ANXA8: variants seen among roughly 807,000 people sequenced by gnomAD.
The protein encoded by ANXA8 is annexin A8.
A neutral mutation model predicts 26.8 loss-of-function variants in ANXA8; 9 were observed. That is an observed-to-expected ratio of 0.34 (90% CI 0.20 to 0.59). The LOEUF (loss-of-function observed/expected upper bound fraction) is 0.59. Ranked by LOEUF, ANXA8 falls within the 20% of genes least tolerant of loss-of-function variation. ANXA8 has a pLI of 0.84. For missense variants in ANXA8, 83 were observed against 238.5 expected (o/e 0.35, Z 4.29); for synonymous variants, 39 against 94.8 (o/e 0.41, Z 3.42).
chr10:47,918,387 A>G, the ANXA8 span, among the ~76,000 whole-genome samples: 49 of 13,278 alleles, frequency 3.7e-3, 2 homozygotes, highest in African/African-American at 0.027. Flanking sequence ...GAGAGAGAGA[A>G]AGAAAGAAAG....
the ANXA8 span, among the ~76,000 whole-genome samples, chr10:47,627,003 ATAAGGTTC>A: frequency 6.7e-6 from 1 of 149,506 alleles, no homozygotes; most frequent in African/African-American, 2.6e-5. Context: ...TAACAGAAAC[ATAAGGTTC>A]TAAGGTTCTT....
the ANXA8 span, among the ~76,000 whole-genome samples, chr10:47,505,471 T>G: frequency 7.2e-6 from 1 of 138,410 alleles, no homozygotes; most frequent in Non-Finnish European, 1.6e-5. Context: ...TCTGAATAAG[T>G]GGAAAGTTAA....
chr10:47,905,732 C>T, the ANXA8 span, among the ~76,000 whole-genome samples: 1 of 143,952 alleles, frequency 6.9e-6, no homozygotes, highest in Non-Finnish European at 1.5e-5. Context: ...TAGGATAGAA[C>T]CCAGGCTGCC....
the ANXA8 span, among the ~76,000 whole-genome samples, chr10:47,558,124 C>T: frequency 1.3e-5 from 2 of 151,910 alleles, no homozygotes; most frequent in South Asian, 2.1e-4. Context: ...TACCAGTTAA[C>T]ATAAAATAAC....
At chr10:47,575,197 T>TAA in the ANXA8 span, among the ~76,000 whole-genome samples, 1 of 11,268 alleles carries the variant, frequency 8.9e-5, no homozygotes, top group Non-Finnish European at 1.8e-4. Flanking sequence ...AGAGTGAAAC[T>TAA]CAAAAAAAAA....
chr10:47,553,935 A>G, the ANXA8 span, among the ~76,000 whole-genome samples: 2 of 148,926 alleles, frequency 1.3e-5, no homozygotes, highest in Non-Finnish European at 3.0e-5. Flanking sequence ...CTCCTCTGTA[A>G]AGATGACAGA....
At chr10:47,489,013 C>A (rs1347385569), upstream of ANXA8, among the ~76,000 whole-genome samples, 9 of 146,360 alleles carry the variant, frequency 6.1e-5, no homozygotes, top group East Asian at 2.1e-4. Context: ...CCGCCCCCAG[C>A]AATTATTTTT....
At chr10:47,745,674 C>T in the ANXA8 span, among the ~76,000 whole-genome samples, 1 of 136,050 alleles carries the variant, frequency 7.4e-6, no homozygotes, top group Non-Finnish European at 1.6e-5. Context: ...TCCTTGGTGA[C>T]TGGATGGGCA....
the ANXA8 span, among the ~76,000 whole-genome samples, chr10:47,584,401 T>G: frequency 7.2e-6 from 1 of 139,590 alleles, no homozygotes; most frequent in Admixed American, 7.2e-5. Context: ...AGCTCTGACT[T>G]TGTACTTGTT....
chr10:47,902,523 T>C, the ANXA8 span, among the ~76,000 whole-genome samples: 1 of 75,564 alleles, frequency 1.3e-5, no homozygotes, highest in East Asian at 4.4e-4. Context: ...AATAGAATTC[T>C]TTAAGGAATT....
At chr10:47,711,290 A>C in the ANXA8 span, among the ~76,000 whole-genome samples, 3 of 149,864 alleles carry the variant, frequency 2.0e-5, no homozygotes, top group Non-Finnish European at 2.9e-5. Context: ...AATGGAATTG[A>C]TGTTTCATTA....
chr10:47,565,386 G>T, the ANXA8 span: 2 of 476,398 alleles, frequency 4.2e-6, no homozygotes, highest in Admixed American at 4.1e-5. Flanking sequence ...CGCAGCCTGC[G>T]CCTCTCCTCG....
At chr10:47,653,646 T>A in the ANXA8 span, among the ~76,000 whole-genome samples, 1 of 149,560 alleles carries the variant, frequency 6.7e-6, no homozygotes, top group Non-Finnish European at 1.5e-5. Flanking sequence ...AAGTCATATT[T>A]ATTTATTTAT....
chr10:47,586,511 C>T, the ANXA8 span, among the ~76,000 whole-genome samples: 3 of 145,222 alleles, frequency 2.1e-5, no homozygotes, highest in Non-Finnish European at 4.4e-5. Flanking sequence ...CTGTCTTTTT[C>T]TCCTTTCAAC....
At chr10:47,986,524 C>A in the ANXA8 span, 10 of 308,342 alleles carry the variant, frequency 3.2e-5, no homozygotes, top group South Asian at 2.4e-4. Context: ...CAGGTGGCCC[C>A]GGCAGGTCGC....
chr10:47,918,407 AAGAAAGAAAGAAAGAAAGAAAGAAAG>A, the ANXA8 span, among the ~76,000 whole-genome samples: 1 of 28,174 alleles, frequency 3.5e-5, no homozygotes, highest in Non-Finnish European at 6.8e-5. Context: ...GAAAGAAAGA[AAGAAAGAAAGAAAGAAAGAAAGAAAG>A]AGAGAGAGAA....
chr10:47,920,445 CA>C, the ANXA8 span, among the ~76,000 whole-genome samples: 1 of 58,006 alleles, frequency 1.7e-5, no homozygotes, highest in Non-Finnish European at 3.8e-5. Flanking sequence ...CCATGTTGGC[CA>C]GGCAGGTGTT....
the ANXA8 span, among the ~76,000 whole-genome samples, chr10:47,894,898 AATACACACACAGC>A: frequency 6.6e-6 from 1 of 151,110 alleles, no homozygotes; most frequent in Non-Finnish European, 1.5e-5. Context: ...ACACACACAA[AATACACACACAGC>A]ATACACACAT....
chr10:47,697,423 T>C, the ANXA8 span, among the ~76,000 whole-genome samples: 4 of 151,596 alleles, frequency 2.6e-5, no homozygotes, highest in South Asian at 8.3e-4. Flanking sequence ...GATAAAATGC[T>C]GAAGTATCAT....
Sources: allele counts gnomAD v4.1 joint callset (sites outside exome capture counted in the v4.1 genomes callset), GRCh38; gene constraint gnomAD v4.1.1; transcripts MANE v1.5; gene names NCBI Gene and HGNC (gene_info 2026-07-23, HGNC 2026-07-21).